Variants in TMPRSS9 observed in about 807,000 individuals in gnomAD.
TMPRSS9 encodes transmembrane protease serine 9.
TMPRSS9 carries 113 observed loss-of-function variants against 111.4 expected under a neutral mutation model. The observed-to-expected ratio is 1.01, with a 90% CI of 0.87 to 1.19. TMPRSS9 has a LOEUF of 1.19. TMPRSS9 is among the 50% of genes most tolerant of loss of function. The pLI, the probability that TMPRSS9 is intolerant of heterozygous loss-of-function variation, is 0.00. For missense variants in TMPRSS9, 1,803 were observed against 1,513.1 expected (o/e 1.19, Z -3.18); for synonymous variants, 805 against 659.1 (o/e 1.22, Z -3.39).
chr19:2,401,260 G>C (rs971655275), intron 4 of TMPRSS9, among the ~76,000 whole-genome samples: 41 of 151,862 alleles, frequency 2.7e-4, no homozygotes, highest in African/African-American at 6.0e-4. Flanking sequence ...GGCGACAGAG[G>C]GAGACTCCGT....
chr19:2,360,484 G>A (rs946884230), intron 1 of TMPRSS9, among the ~76,000 whole-genome samples, 124 bp downstream of exon 1: 1 of 152,196 alleles, frequency 6.6e-6, no homozygotes, highest in Non-Finnish European at 1.5e-5. Context: ...GGCGTGGCGG[G>A]AGTGTGTAGA....
intron 1 of TMPRSS9, among the ~76,000 whole-genome samples, chr19:2,384,498 C>T (rs1970431260): frequency 1.3e-5 from 2 of 151,430 alleles, no homozygotes; most frequent in South Asian, 4.2e-4. Context: ...TGGCGAAACC[C>T]CATCTCTACT....
At chr19:2,403,188 G>A (rs372062748) in exon 6 of TMPRSS9, 64 of 1,605,930 alleles carry the variant, frequency 4.0e-5, no homozygotes, top group African/African-American at 1.6e-4. Context: ...CCGACGAGGC[G>A]CACTGCGGTC....
intron 1 of TMPRSS9, 46 bp downstream of exon 2, chr19:2,389,973 T>G: frequency 6.3e-7 from 1 of 1,579,648 alleles, no homozygotes; most frequent in African/African-American, 1.3e-5. Flanking sequence ...AAGGGACATG[T>G]GCAAAGTCAC....
In TMPRSS9 at chr19:2,418,660, TA is replaced by T. The variant is rs1375558727; in HGVS notation, c.2154+523del. Among the ~76,000 whole-genome samples, 7 of 2,134 alleles carry T rather than the reference TA, an allele frequency of 3.3e-3. 1 individual carries two copies. Among genetic ancestry groups the T allele is most frequent in the East Asian group, 0.014 (1 of 74 alleles). The allele number at this position is 2,134 out of a possible 152,430, so 1.4% of individuals were successfully genotyped here. ...CCTCCCTTTCCTTCCCTTCCCTCCC[TA>T]CCTTTCCTTTCCTTCCCTCCCTCCC... On this transcript the variant is annotated intron_variant, in intron 13 of 17. Transcript: ENST00000648592.
At chr19:2,400,504 T>G (rs897860862) in intron 4 of TMPRSS9, among the ~76,000 whole-genome samples, 1 of 151,646 alleles carries the variant, frequency 6.6e-6, no homozygotes, top group Non-Finnish European at 1.5e-5. Context: ...GTTGCACTAC[T>G]GCACTCCAGC....
intron 1 of TMPRSS9, among the ~76,000 whole-genome samples, chr19:2,391,053 G>C (rs59955089): frequency 6.4e-4 from 82 of 128,364 alleles, no homozygotes; most frequent in African/African-American, 1.9e-3. Flanking sequence ...GGGAGGGAGG[G>C]AGGCAGGCAG....
At chr19:2,415,093 C>T (rs1971196452) in intron 10 of TMPRSS9, among the ~76,000 whole-genome samples, 1 of 151,580 alleles carries the variant, frequency 6.6e-6, no homozygotes, top group Admixed American at 6.6e-5. Context: ...TACAGGTGCC[C>T]ATCACCATGC....
At chr19:2,406,043 C>T (rs1970962741) in intron 7 of TMPRSS9, among the ~76,000 whole-genome samples, 1 of 134,418 alleles carries the variant, frequency 7.4e-6, no homozygotes, top group Admixed American at 7.9e-5. Flanking sequence ...TGGAGTCTCG[C>T]TCTGTCACCC....
chr19:2,425,622 G>A, intron 17 of TMPRSS9, 129 bp downstream of exon 18: 1 of 1,373,756 alleles, frequency 7.3e-7, no homozygotes, highest in South Asian at 1.7e-5. Context: ...ATCAAGCAGG[G>A]AGCCTTTTTG....
intron 9 of TMPRSS9, among the ~76,000 whole-genome samples, chr19:2,411,779 T>A (rs1273877226): frequency 2.0e-5 from 3 of 152,150 alleles, no homozygotes; most frequent in Non-Finnish European, 4.4e-5. Flanking sequence ...CTCGAAATCC[T>A]GGCTTCAGGT....
chr19:2,403,398 G>A (rs182546539), intron 6 of TMPRSS9, among the ~76,000 whole-genome samples: 95 of 152,280 alleles, frequency 6.2e-4, no homozygotes, highest in Middle Eastern at 3.4e-3. Context: ...GTGCAGGTGT[G>A]TGATGGGAAG....
At chr19:2,414,012 C>G in exon 10 of TMPRSS9, 1 of 1,577,914 alleles carries the variant, frequency 6.3e-7, no homozygotes, top group Non-Finnish European at 8.6e-7. Flanking sequence ...CGTTCCTAAG[C>G]TACAAGGTAT....
intron 4 of TMPRSS9, among the ~76,000 whole-genome samples, chr19:2,401,595 C>T (rs180773597): frequency 1.3e-5 from 2 of 152,016 alleles, no homozygotes; most frequent in East Asian, 1.9e-4. Flanking sequence ...TGCAATAGGA[C>T]GTTTTCTTTC....
rs1970990821 is a variant in TMPRSS9, at chr19:2,407,482, A to G, written c.843-874A>G. 2.0e-5 allele frequency among the ~76,000 whole-genome samples: 3 copies of G among 151,828 alleles called. No homozygotes were observed. In the South Asian group the frequency reaches 6.3e-4, roughly 32 times the overall value. ...GTGGAAGTTGCAGTGAGCTGAGATCACGCCACTGCACTCCAGTCTGGGAGA... is the reference window on the plus strand; with the variant it reads ...GTGGAAGTTGCAGTGAGCTGAGATCGCGCCACTGCACTCCAGTCTGGGAGA... On this transcript the variant is annotated intron_variant, in intron 7 of 17. Transcript: ENST00000648592.
chr19:2,402,612 C>T (rs879840838), intron 5 of TMPRSS9, among the ~76,000 whole-genome samples: 3 of 151,950 alleles, frequency 2.0e-5, no homozygotes, highest in Admixed American at 1.3e-4. Context: ...GTGGGGCGTG[C>T]CTGTAATCCC....
At chr19:2,372,765 CTT>C (rs1205819736) in intron 1 of TMPRSS9, among the ~76,000 whole-genome samples, 1 of 152,084 alleles carries the variant, frequency 6.6e-6, no homozygotes, top group Admixed American at 6.6e-5. Flanking sequence ...TCTAAACAGA[CTT>C]TGCAGCTTAG....
intron 17 of TMPRSS9, 94 bp downstream of exon 18, chr19:2,425,587 C>G: frequency 1.4e-6 from 2 of 1,391,326 alleles, no homozygotes; most frequent in Non-Finnish European, 1.9e-6. Flanking sequence ...CGGGAGCCAC[C>G]CTCCGGTGCA....
chr19:2,408,715 G>A (rs1319540973), intron 8 of TMPRSS9, 85 bp downstream of exon 9: 4 of 1,516,910 alleles, frequency 2.6e-6, no homozygotes, highest in Non-Finnish European at 3.5e-6. Flanking sequence ...GGTGGCTCAC[G>A]CCTGTCATCC....
Sources: gnomAD v4.1 joint callset for allele counts (sites outside exome capture counted in the v4.1 genomes callset) on GRCh38, gnomAD v4.1.1 for gene constraint, MANE v1.5 for transcripts, NCBI Gene and HGNC (gene_info 2026-07-23, HGNC 2026-07-21) for gene names.